The following CENPW variants were observed in gnomAD, a reference collection of about 807,000 sequenced individuals.
CENPW encodes the protein centromere protein W.
CENPW carries 3 observed loss-of-function variants against 11.1 expected under a neutral mutation model. The observed-to-expected ratio is 0.27, with a 90% confidence interval of 0.12 to 0.70. The LOEUF is 0.70. Among genes scored for constraint, CENPW ranks in the 30% least tolerant of loss-of-function variants. The probability of loss-of-function intolerance (pLI) is 0.77; values close to 1 mark genes in which losing one functional copy is unlikely to be tolerated. For synonymous variants in CENPW, 38 were observed against 42.0 expected (o/e 0.91, Z 0.37); for missense variants, 100 against 105.6 (o/e 0.95, Z 0.23).
the CENPW span, among the ~76,000 whole-genome samples, chr6:126,404,964 C>T: frequency 6.6e-6 from 1 of 151,358 alleles, no homozygotes; most frequent in Non-Finnish European, 1.5e-5. Flanking sequence ...TGTCTTTTCA[C>T]TCTATGGACT....
At chr6:126,454,996 A>G in the CENPW span, among the ~76,000 whole-genome samples, 9 of 151,394 alleles carry the variant, frequency 5.9e-5, no homozygotes, top group Non-Finnish European at 1.3e-4. Context: ...CTGGAAACAT[A>G]CAACCTCCCA....
At chr6:126,438,627 C>T in the CENPW span, among the ~76,000 whole-genome samples, 1 of 151,606 alleles carries the variant, frequency 6.6e-6, no homozygotes, top group Non-Finnish European at 1.5e-5. Context: ...AGTTACTCTA[C>T]ATTATAAATT....
At chr6:126,440,462 A>G in the CENPW span, among the ~76,000 whole-genome samples, 10 of 151,662 alleles carry the variant, frequency 6.6e-5, no homozygotes, top group Non-Finnish European at 1.2e-4. Flanking sequence ...TTTTAAAAGT[A>G]GCATCTAACA....
At chr6:126,366,500 A>G in the CENPW span, among the ~76,000 whole-genome samples, 1 of 152,206 alleles carries the variant, frequency 6.6e-6, no homozygotes, top group Non-Finnish European at 1.5e-5. Flanking sequence ...TGGATCTTGG[A>G]CTAAGTATTA....
the CENPW span, among the ~76,000 whole-genome samples, chr6:126,390,159 G>A: frequency 1.3e-5 from 2 of 151,836 alleles, no homozygotes; most frequent in East Asian, 3.9e-4. Context: ...TTTCAAATCT[G>A]TTACTTTTTT....
At chr6:126,442,337 T>C in the CENPW span, among the ~76,000 whole-genome samples, 1 of 151,476 alleles carries the variant, frequency 6.6e-6, no homozygotes, top group East Asian at 1.9e-4. Context: ...TAGTTCCTTG[T>C]AGATTCTGGA....
intron 2 of CENPW, 118 bp downstream of exon 2, chr6:126,346,436 C>T: frequency 2.0e-6 from 1 of 506,952 alleles, no homozygotes; most frequent in Non-Finnish European, 3.5e-6. Context: ...CGATATTTGG[C>T]CTTTTATGAA....
intron 1 of CENPW, among the ~76,000 whole-genome samples, chr6:126,342,276 G>A (rs151326915): frequency 4.6e-5 from 7 of 152,320 alleles, no homozygotes; most frequent in Non-Finnish European, 1.0e-4. Flanking sequence ...AAGATCAAAT[G>A]AAATTATGTA....
the CENPW span, among the ~76,000 whole-genome samples, chr6:126,441,308 G>A: frequency 1.8e-3 from 269 of 151,452 alleles, 4 homozygotes; most frequent in Admixed American, 2.6e-4. Context: ...AGAAATTTGG[G>A]CATTTTCCTT....
At chr6:126,358,339 G>T in the CENPW span, among the ~76,000 whole-genome samples, 1 of 152,110 alleles carries the variant, frequency 6.6e-6, no homozygotes, top group Admixed American at 6.5e-5. Context: ...GTTGGCTATG[G>T]GTTTGTCATA....
At chr6:126,430,722 T>C in the CENPW span, among the ~76,000 whole-genome samples, 3 of 151,980 alleles carry the variant, frequency 2.0e-5, no homozygotes, top group Admixed American at 6.6e-5. Context: ...GAGGCCGAGG[T>C]GGGCAGATCA....
chr6:126,446,598 G>T, the CENPW span, among the ~76,000 whole-genome samples: 1 of 150,952 alleles, frequency 6.6e-6, no homozygotes, highest in African/African-American at 2.4e-5. Context: ...TTGTAAATAT[G>T]CCCAGAGGCT....
At chr6:126,379,838 T>C in the CENPW span, among the ~76,000 whole-genome samples, 1 of 152,212 alleles carries the variant, frequency 6.6e-6, no homozygotes, top group Non-Finnish European at 1.5e-5. Flanking sequence ...AAAAGTATAA[T>C]CTTTGACAGC....
the CENPW span, among the ~76,000 whole-genome samples, chr6:126,387,651 T>G: frequency 6.6e-6 from 1 of 152,000 alleles, no homozygotes; most frequent in Non-Finnish European, 1.5e-5. Flanking sequence ...AGGGGTTAAG[T>G]GTCTTCCTAA....
At chr6:126,406,776 C>T in the CENPW span, among the ~76,000 whole-genome samples, 34 of 151,888 alleles carry the variant, frequency 2.2e-4, no homozygotes, top group African/African-American at 6.0e-4. Flanking sequence ...TGCTTGAACC[C>T]GGGAGGCGGA....
chr6:126,408,995 G>A, the CENPW span, among the ~76,000 whole-genome samples: 2 of 151,256 alleles, frequency 1.3e-5, no homozygotes, highest in Admixed American at 1.3e-4. Flanking sequence ...ACTAATTTGG[G>A]CTTTGGCTTG....
At chr6:126,366,518 A>G in the CENPW span, among the ~76,000 whole-genome samples, 1 of 152,194 alleles carries the variant, frequency 6.6e-6, no homozygotes, top group Non-Finnish European at 1.5e-5. Flanking sequence ...TTAATGAACC[A>G]TACTTGTATA....
the CENPW span, among the ~76,000 whole-genome samples, chr6:126,479,197 G>C: frequency 6.6e-6 from 1 of 151,890 alleles, no homozygotes; most frequent in African/African-American, 2.4e-5. Flanking sequence ...AGGGCTCTAT[G>C]TTTTTAATCC....
the CENPW span, among the ~76,000 whole-genome samples, chr6:126,415,255 A>G: frequency 1.3e-5 from 2 of 152,046 alleles, no homozygotes; most frequent in South Asian, 2.1e-4. Flanking sequence ...TTTTTGTTGT[A>G]TATATATTTC....
Sources: allele counts gnomAD v4.1 joint callset (sites outside exome capture counted in the v4.1 genomes callset), GRCh38; gene constraint gnomAD v4.1.1; transcripts MANE v1.5; gene names NCBI Gene and HGNC (gene_info 2026-07-23, HGNC 2026-07-21).